The following KCNK9 variants were observed in gnomAD, a reference collection of about 807,000 sequenced individuals.
KCNK9 encodes the protein potassium channel subfamily K member 9.
In KCNK9, 1 loss-of-function variant was observed where a neutral mutation model predicts 10.8. That is an observed-to-expected ratio of 0.09 (90% confidence interval 0.03 to 0.44). The LOEUF is 0.44. Among genes scored for constraint, KCNK9 ranks in the 20% least tolerant of loss-of-function variants. KCNK9 has a pLI of 0.97. For synonymous variants in KCNK9, 231 were observed against 222.7 expected (o/e 1.04, Z -0.33); for missense variants, 303 against 515.0 (o/e 0.59, Z 3.98).
At chr8:139,696,305 A>G (rs532511178) in intron 1 of KCNK9, among the ~76,000 whole-genome samples, 2 of 152,328 alleles carry the variant, frequency 1.3e-5, no homozygotes, top group East Asian at 3.9e-4. Flanking sequence ...TTACATGGAC[A>G]TGATTTCCTT....
intron 1 of KCNK9, among the ~76,000 whole-genome samples, chr8:139,622,220 G>T (rs909227678): frequency 1.1e-4 from 16 of 152,318 alleles, no homozygotes; most frequent in Non-Finnish European, 2.2e-4. Context: ...AGGTTCAGGG[G>T]TCTTCCCCAT....
intron 1 of KCNK9, among the ~76,000 whole-genome samples, chr8:139,678,287 G>A (rs1816609308): frequency 1.3e-5 from 2 of 152,212 alleles, no homozygotes; most frequent in Non-Finnish European, 2.9e-5. Flanking sequence ...TTCCTGACAT[G>A]TACACCTTGC....
At chr8:139,626,101 G>T (rs926560802) in intron 1 of KCNK9, among the ~76,000 whole-genome samples, 28 of 152,144 alleles carry the variant, frequency 1.8e-4, no homozygotes, top group South Asian at 1.0e-3. Flanking sequence ...AGTATCCAGT[G>T]GGCTGTCCCC....
At chr8:139,664,235 G>C (rs1397033726) in intron 1 of KCNK9, among the ~76,000 whole-genome samples, 1 of 152,130 alleles carries the variant, frequency 6.6e-6, no homozygotes, top group African/African-American at 2.4e-5. Context: ...CTGCAAGATG[G>C]GTATGTTGTG....
chr8:139,647,132 G>T (rs73724495), intron 1 of KCNK9, among the ~76,000 whole-genome samples: 61 of 152,366 alleles, frequency 4.0e-4, no homozygotes, highest in Non-Finnish European at 5.9e-4. Flanking sequence ...CTCAGGCTGG[G>T]CTCCGTGAGC....
At chr8:139,624,943 G>A (rs560902298) in intron 1 of KCNK9, among the ~76,000 whole-genome samples, 1 of 152,328 alleles carries the variant, frequency 6.6e-6, no homozygotes, top group East Asian at 1.9e-4. Context: ...CAGACTCTGC[G>A]CTGTGCACTA....
At chr8:139,606,866 A>C (rs1208516678) in intron 2 of KCNK9, among the ~76,000 whole-genome samples, 2 of 152,204 alleles carry the variant, frequency 1.3e-5, no homozygotes, top group Non-Finnish European at 2.9e-5. Context: ...TTTAATCAAC[A>C]AAATCAACAG....
At chr8:139,612,433 G>C (rs936266366), downstream of KCNK9, 1 of 151,996 alleles carries the variant, frequency 6.6e-6, no homozygotes, top group Admixed American at 6.6e-5. Flanking sequence ...GAGGAGCTTT[G>C]GGGGGGCCAG....
chr8:139,690,568 T>A (rs903294151), intron 1 of KCNK9, among the ~76,000 whole-genome samples: 6 of 152,162 alleles, frequency 3.9e-5, no homozygotes. Context: ...GATGCTGCCA[T>A]CCTGAGAGGG....
In KCNK9 at chr8:139,654,709, G is replaced by A. The variant is rs147214263; in HGVS notation, c.284-35610C>T. On this transcript the variant is annotated intron_variant, in intron 1 of 1. Coordinates refer to ENST00000520439, the MANE Select transcript of KCNK9 (RefSeq NM_001282534.2). ...GATACTGTAAGATCCACGAAGACAC[G>A]CATTACATGCCACACTGGTTGCTTA... Among the ~76,000 whole-genome samples, 139 of 152,322 alleles carry A rather than the reference G, an allele frequency of 9.1e-4. 1 individual carries two copies. The highest frequency in any genetic ancestry group is 3.1e-3 in the African/African-American group (129 of 41,568).
chr8:139,649,583 C>T (rs906673951), intron 1 of KCNK9, among the ~76,000 whole-genome samples: 7 of 152,168 alleles, frequency 4.6e-5, no homozygotes, highest in African/African-American at 1.7e-4. Flanking sequence ...GGTCTACTCC[C>T]ACTCCTGGGC....
chr8:139,672,908 C>T (rs775734601), intron 1 of KCNK9, among the ~76,000 whole-genome samples: 1 of 152,228 alleles, frequency 6.6e-6, no homozygotes, highest in African/African-American at 2.4e-5. Flanking sequence ...CATCACAGTG[C>T]AGAAGGCACT....
intron 1 of KCNK9, among the ~76,000 whole-genome samples, chr8:139,639,473 G>T (rs1002565557): frequency 3.3e-5 from 5 of 152,172 alleles, no homozygotes; most frequent in African/African-American, 1.2e-4. Context: ...AGCACCCGTG[G>T]AGACTCAGGC....
At chr8:139,673,966 G>T (rs1816493524) in intron 1 of KCNK9, among the ~76,000 whole-genome samples, 1 of 152,298 alleles carries the variant, frequency 6.6e-6, no homozygotes, top group Middle Eastern at 3.4e-3. Flanking sequence ...CACCGCCCTG[G>T]CCTTGTGCTA....
At chr8:139,616,657 C>T (rs1315377089), downstream of KCNK9, 2 of 152,140 alleles carry the variant, frequency 1.3e-5, no homozygotes, top group Non-Finnish European at 2.9e-5. Context: ...TGGGAGATCT[C>T]GTTGGGGCCT....
chr8:139,609,941 C>G (rs1297389147), downstream of KCNK9, among the ~76,000 whole-genome samples: 2 of 152,236 alleles, frequency 1.3e-5, no homozygotes, highest in East Asian at 3.9e-4. Flanking sequence ...AACTCAGGCC[C>G]AGAGGAGTGG....
intron 1 of KCNK9, among the ~76,000 whole-genome samples, chr8:139,633,110 GAC>G (rs977524753): frequency 2.6e-5 from 4 of 151,952 alleles, no homozygotes; most frequent in Non-Finnish European, 4.4e-5. Flanking sequence ...TGTGCACATA[GAC>G]ACAGGTACAT....
intron 1 of KCNK9, among the ~76,000 whole-genome samples, chr8:139,647,818 C>A (rs781306466): frequency 3.2e-4 from 48 of 152,188 alleles, no homozygotes; most frequent in Non-Finnish European, 6.5e-4. Flanking sequence ...CCGCCCTTAC[C>A]CCCTCTCAGG....
intron 1 of KCNK9, among the ~76,000 whole-genome samples, chr8:139,677,505 A>G (rs963131918): frequency 6.6e-6 from 1 of 151,350 alleles, no homozygotes; most frequent in Non-Finnish European, 1.5e-5. Flanking sequence ...AAGGGAGAAC[A>G]CAATTCCTCT....
Sources: allele counts gnomAD v4.1 joint callset (sites outside exome capture counted in the v4.1 genomes callset), GRCh38; gene constraint gnomAD v4.1.1; transcripts MANE v1.5; gene names NCBI Gene and HGNC (gene_info 2026-07-23, HGNC 2026-07-21).